The following DNAH6 variants were observed in gnomAD, a reference collection of about 807,000 sequenced individuals.
DNAH6 encodes the protein dynein axonemal heavy chain 6.
Under a neutral mutation model 491.4 loss-of-function variants are expected in DNAH6, and 340 were observed. The observed-to-expected ratio is 0.69, with a 90% CI of 0.63 to 0.76. The LOEUF is 0.76. DNAH6 is among the 30% of genes least tolerant of loss of function. DNAH6 has a pLI of 0.00. For missense variants in DNAH6, 4,443 were observed against 4,972.2 expected (o/e 0.89, Z 3.20); for synonymous variants, 1,603 against 1,686.1 (o/e 0.95, Z 1.21).
chr2:84,594,481 T>C (rs1684396593), intron 17 of DNAH6, among the ~76,000 whole-genome samples: 1 of 152,230 alleles, frequency 6.6e-6, no homozygotes, highest in Non-Finnish European at 1.5e-5. Context: ...TTTTGTTCAC[T>C]GTAATAGGAT....
At chr2:84,735,788 A>G (rs576347862) in intron 62 of DNAH6, among the ~76,000 whole-genome samples, 128 of 152,258 alleles carry the variant, frequency 8.4e-4, no homozygotes, top group Non-Finnish European at 1.2e-3. Flanking sequence ...TGTAAGATGC[A>G]TAGTTTGCAA....
chr2:84,695,516 A>G (rs1695296794), intron 46 of DNAH6, among the ~76,000 whole-genome samples: 1 of 152,122 alleles, frequency 6.6e-6, no homozygotes, highest in Non-Finnish European at 1.5e-5. Flanking sequence ...TGCATGTATA[A>G]GAATATCTAT....
At chr2:84,651,923 T>A (rs1270526026) in intron 33 of DNAH6, among the ~76,000 whole-genome samples, 4 of 152,004 alleles carry the variant, frequency 2.6e-5, no homozygotes, top group Non-Finnish European at 5.9e-5. Flanking sequence ...ATCTTGAGCA[T>A]CTTTTTCATG....
intron 22 of DNAH6, among the ~76,000 whole-genome samples, chr2:84,613,674 T>C (rs1686551957): frequency 2.6e-5 from 4 of 152,084 alleles, no homozygotes. Context: ...TGAGTAGGTA[T>C]AGAGACTGGC....
At chr2:84,543,168 C>A (rs188459962) in intron 4 of DNAH6, among the ~76,000 whole-genome samples, 1 of 152,048 alleles carries the variant, frequency 6.6e-6, no homozygotes, top group African/African-American at 2.4e-5. Context: ...CAAAGATAAT[C>A]ATAATAATAG....
Position 84,634,627 on chromosome 2 carries a change from G to A in DNAH6, c.4639G>A (p.Ala1547Thr), listed in dbSNP as rs1021058433. The A allele has an allele frequency of 1.4e-5, 22 of 1,534,648 alleles. No individual in the cohort carries two copies. Among genetic ancestry groups the A allele is most frequent in the South Asian group, 2.5e-5 (2 of 80,848 alleles). The change falls in exon 30 of 77, where the codon GCC (alanine) becomes ACC (threonine). Residue 1547 changes from alanine (A) to threonine (T), a missense_variant. Coordinates refer to ENST00000389394, the MANE Select transcript of DNAH6 (RefSeq NM_001370.2). ...IAQQLITIRNAKAAKLSRFMF... is the reference protein window; with the variant it reads ...IAQQLITIRNTKAAKLSRFMF... ...GCAGCAACTCATTACCATTAGGAAC[G>A]CCAAAGCGGCAAAGGTAAGGCACTG...
the DNAH6 span, among the ~76,000 whole-genome samples, chr2:84,507,956 G>A: frequency 6.6e-6 from 1 of 152,208 alleles, no homozygotes; most frequent in African/African-American, 2.4e-5. Flanking sequence ...ATGTGCTGCT[G>A]GATTTGGTTT....
chr2:84,667,946 G>C (rs981091686), intron 37 of DNAH6, among the ~76,000 whole-genome samples: 1 of 152,196 alleles, frequency 6.6e-6, no homozygotes, highest in African/African-American at 2.4e-5. Flanking sequence ...GTAGGGACAT[G>C]GATGAAGCTA....
At chr2:84,674,231 G>C (rs1357767213) in intron 40 of DNAH6, among the ~76,000 whole-genome samples, 1 of 152,220 alleles carries the variant, frequency 6.6e-6, no homozygotes, top group African/African-American at 2.4e-5. Context: ...AGAGTATGGA[G>C]TAATGTGACT....
intron 44 of DNAH6, among the ~76,000 whole-genome samples, chr2:84,686,969 G>A (rs557966974): frequency 3.9e-5 from 6 of 152,320 alleles, no homozygotes; most frequent in African/African-American, 1.4e-4. Context: ...AGGAAGCGGA[G>A]AGGTCTAGTC....
chr2:84,467,110 T>C, the DNAH6 span, among the ~76,000 whole-genome samples: 1 of 152,214 alleles, frequency 6.6e-6, no homozygotes. Context: ...ACAGAAAAAC[T>C]GAATACCCCT....
chr2:84,642,143 G>C (rs1294250101), intron 33 of DNAH6, 89 bp downstream of exon 33: 11 of 897,798 alleles, frequency 1.2e-5, no homozygotes, highest in African/African-American at 1.7e-5. Flanking sequence ...TCTCTAACAA[G>C]CTGAAAACTT....
rs1381024692 is a variant in DNAH6, at chr2:84,778,152, A to G, written c.10704-3341A>G. On this transcript the variant is annotated intron_variant, in intron 64 of 76. Transcript: ENST00000389394. Reference sequence around the variant, plus strand: ...GCCAACAGCACCAACCCCAACAACTATAATCTTATCCTGGGGAGGTCTCTT... The same window carrying G: ...GCCAACAGCACCAACCCCAACAACTGTAATCTTATCCTGGGGAGGTCTCTT... The G allele has an allele frequency of 5.3e-6, 4 of 759,078 alleles. No homozygotes were observed. In the East Asian group the frequency reaches 7.4e-5, roughly 14 times the overall value. 47.0% of individuals were successfully genotyped at this position (759,078 alleles called of 1,614,324 possible).
upstream of DNAH6, among the ~76,000 whole-genome samples, chr2:84,516,244 C>A (rs4831981): frequency 0.94 from 143,504 of 152,272 alleles, 67,667 homozygotes; most frequent in East Asian, 1. Context: ...ACAGAATTAA[C>A]CACCTCCTTT....
intron 72 of DNAH6, among the ~76,000 whole-genome samples, chr2:84,808,996 A>C (rs1679707452): frequency 6.6e-6 from 1 of 152,202 alleles, no homozygotes; most frequent in Admixed American, 6.5e-5. Flanking sequence ...ACTTGATCCC[A>C]CTCAAGACCT....
chr2:84,576,296 C>G (rs1346782592), intron 12 of DNAH6, among the ~76,000 whole-genome samples: 1 of 151,984 alleles, frequency 6.6e-6, no homozygotes, highest in Non-Finnish European at 1.5e-5. Flanking sequence ...GTAACTTTCC[C>G]AAGGCCACAC....
the DNAH6 span, among the ~76,000 whole-genome samples, chr2:84,511,378 C>T: frequency 1.1e-4 from 15 of 135,600 alleles, no homozygotes; most frequent in African/African-American, 3.9e-4. Context: ...AAGCCATGCG[C>T]GGGATATAAT....
chr2:84,752,632 A>T (rs538335342), intron 63 of DNAH6, among the ~76,000 whole-genome samples: 1 of 151,082 alleles, frequency 6.6e-6, no homozygotes, highest in African/African-American at 2.5e-5. Flanking sequence ...CATCACCAAC[A>T]CTAGTCTACT....
At chr2:84,476,923 C>T in the DNAH6 span, among the ~76,000 whole-genome samples, 47 of 152,330 alleles carry the variant, frequency 3.1e-4, no homozygotes, top group Non-Finnish European at 6.0e-4. Flanking sequence ...GCTTTCCCAC[C>T]GAGCTTCTTT....
Sources: gnomAD v4.1 joint callset for allele counts (sites outside exome capture counted in the v4.1 genomes callset) on GRCh38, gnomAD v4.1.1 for gene constraint, MANE v1.5 for transcripts, NCBI Gene and HGNC (gene_info 2026-07-23, HGNC 2026-07-21) for gene names.